The following SAMD5 variants were observed in gnomAD, a reference collection of about 807,000 sequenced individuals.
The protein encoded by SAMD5 is sterile alpha motif domain-containing protein 5.
SAMD5 carries 13 observed loss-of-function variants against 11.3 expected under a neutral mutation model. That is an observed-to-expected ratio of 1.15 (90% CI 0.75 to 1.83). The LOEUF is 1.83. Among genes scored for constraint, SAMD5 ranks in the 40% most tolerant of loss-of-function variants. The pLI is 0.00. For synonymous variants in SAMD5, 129 were observed against 111.3 expected, an observed-to-expected ratio of 1.16 and a Z score of -1.00; for missense variants, 255 against 239.1, an observed-to-expected ratio of 1.07 and a Z score of -0.44.
chr6:147,556,204 C>T (rs1021872255), intron 1 of SAMD5, among the ~76,000 whole-genome samples: 11 of 151,860 alleles, frequency 7.2e-5, no homozygotes, highest in African/African-American at 2.2e-4. Flanking sequence ...GCCATTCTCC[C>T]GCCTCAGCCT....
At chr6:147,898,947 G>A in the SAMD5 span, among the ~76,000 whole-genome samples, 11 of 151,830 alleles carry the variant, frequency 7.2e-5, no homozygotes, top group Middle Eastern at 3.4e-3. Context: ...TTGGGAGGCC[G>A]AGGCGGGCAG....
the SAMD5 span, among the ~76,000 whole-genome samples, chr6:147,940,274 A>G: frequency 2.0e-5 from 3 of 148,990 alleles, no homozygotes; most frequent in Non-Finnish European, 4.4e-5. Context: ...GCTGAGAGGG[A>G]AAGAGAGACA....
intron 1 of SAMD5, among the ~76,000 whole-genome samples, chr6:147,643,727 G>A (rs1000948145): frequency 7.7e-6 from 1 of 129,166 alleles, no homozygotes; most frequent in Admixed American, 8.3e-5. Flanking sequence ...AAGAGGGAAA[G>A]AGAAAGAGGG....
intron 1 of SAMD5, among the ~76,000 whole-genome samples, chr6:147,543,450 C>A (rs1788637584): frequency 6.6e-6 from 1 of 152,170 alleles, no homozygotes; most frequent in Non-Finnish European, 1.5e-5. Flanking sequence ...TCAGAGTCTT[C>A]ATATTGGTGT....
rs148035871 is a variant in SAMD5, at chr6:147,711,132, G to A, written c.163-26185G>A. Among the ~76,000 whole-genome samples the A allele has an allele frequency of 8.7e-3, 1,324 of 152,184 alleles. 8 individuals carry two copies. Among genetic ancestry groups the A allele is most frequent in the Non-Finnish European group, 0.015 (1,028 of 68,002 alleles). On this transcript the variant is annotated intron_variant, in intron 1 of 1. Transcript: ENST00000566741. This position sits in a 1 kb window ranked among gnomAD's most constrained non-coding sequence, Gnocchi z 4.1. Reference sequence around the variant, plus strand: ...AGTGGGAGGGTGTTGTAGAGAGAAGGAATTGGTATTAATGGAGAACTTATT... The same window carrying A: ...AGTGGGAGGGTGTTGTAGAGAGAAGAAATTGGTATTAATGGAGAACTTATT...
the SAMD5 span, among the ~76,000 whole-genome samples, chr6:147,825,311 AAAAC>A: frequency 0.035 from 5,324 of 152,272 alleles, 141 homozygotes; most frequent in Non-Finnish European, 0.052. Context: ...AACAAAAACA[AAAAC>A]AAACAAAAAA....
At chr6:147,903,103 G>T in the SAMD5 span, among the ~76,000 whole-genome samples, 2,935 of 152,286 alleles carry the variant, frequency 0.019, 87 homozygotes, top group African/African-American at 0.068. Flanking sequence ...AGGCCTTCAA[G>T]AGAGGTAGCA....
chr6:147,666,450 C>T (rs1790722402), intron 1 of SAMD5, among the ~76,000 whole-genome samples: 1 of 152,164 alleles, frequency 6.6e-6, no homozygotes, highest in African/African-American at 2.4e-5. Context: ...CCTGTTTCTG[C>T]TTTTGTGCTG....
the SAMD5 span, among the ~76,000 whole-genome samples, chr6:147,946,179 A>T: frequency 6.6e-6 from 1 of 152,144 alleles, no homozygotes; most frequent in Non-Finnish European, 1.5e-5. Context: ...AGTTTTCTCC[A>T]TGAATCCTTT....
the SAMD5 span, among the ~76,000 whole-genome samples, chr6:147,752,708 C>T: frequency 6.6e-6 from 1 of 152,104 alleles, no homozygotes; most frequent in Non-Finnish European, 1.5e-5. Flanking sequence ...TATTCTGGAA[C>T]TGAGGATGAC....
At chr6:147,523,717 C>T (rs1053397090) in intron 1 of SAMD5, among the ~76,000 whole-genome samples, 3 of 152,140 alleles carry the variant, frequency 2.0e-5, no homozygotes, top group African/African-American at 7.2e-5. Flanking sequence ...TTAGGACTTG[C>T]TTCCTTCAGG....
chr6:147,816,301 A>ATATATATATATATATATAT, the SAMD5 span, among the ~76,000 whole-genome samples: 5 of 66,354 alleles, frequency 7.5e-5, no homozygotes, highest in Non-Finnish European at 1.2e-4. Flanking sequence ...AAAAAAAAAA[A>ATATATATATATATATATAT]ATATATATAT....
chr6:147,923,873 A>G, the SAMD5 span, among the ~76,000 whole-genome samples: 1 of 152,202 alleles, frequency 6.6e-6, no homozygotes, highest in South Asian at 2.1e-4. Context: ...CTGGGCATAT[A>G]TAGGCCTAGA....
the SAMD5 span, among the ~76,000 whole-genome samples, chr6:147,924,398 G>T: frequency 6.6e-6 from 1 of 152,082 alleles, no homozygotes; most frequent in African/African-American, 2.4e-5. Context: ...TTAATTTAAT[G>T]TAATTTAACC....
At chr6:147,755,124 C>T in the SAMD5 span, among the ~76,000 whole-genome samples, 1 of 151,976 alleles carries the variant, frequency 6.6e-6, no homozygotes, top group African/African-American at 2.4e-5. Flanking sequence ...ATAGGGATTA[C>T]ATTGAATCTA....
chr6:147,543,444 A>G (rs563361687), intron 1 of SAMD5, among the ~76,000 whole-genome samples: 1 of 152,302 alleles, frequency 6.6e-6, no homozygotes, highest in South Asian at 2.1e-4. Flanking sequence ...TTACTATCAG[A>G]GTCTTCATAT....
At chr6:147,814,762 A>G in the SAMD5 span, among the ~76,000 whole-genome samples, 1 of 152,232 alleles carries the variant, frequency 6.6e-6, no homozygotes, top group Non-Finnish European at 1.5e-5. Context: ...TACCTTTGCC[A>G]TGCAAATTTC....
the SAMD5 span, among the ~76,000 whole-genome samples, chr6:147,817,828 C>T: frequency 6.6e-6 from 1 of 152,246 alleles, no homozygotes; most frequent in South Asian, 2.1e-4. Flanking sequence ...TTGTTTGGAT[C>T]CTGTTTGTGT....
chr6:147,665,489 G>A (rs1453977423), intron 1 of SAMD5, among the ~76,000 whole-genome samples: 1 of 152,146 alleles, frequency 6.6e-6, no homozygotes, highest in Non-Finnish European at 1.5e-5. Flanking sequence ...TAGAAAGAAG[G>A]GACAGGAGAT....
Sources: allele counts gnomAD v4.1 joint callset (sites outside exome capture counted in the v4.1 genomes callset), GRCh38; gene constraint gnomAD v4.1.1; non-coding constraint Gnocchi (gnomAD v3.1); transcripts MANE v1.5; gene names NCBI Gene and HGNC (gene_info 2026-07-23, HGNC 2026-07-21).